Variants in FAT1 observed in about 807,000 individuals in gnomAD.
FAT1 encodes the protein protocadherin Fat 1.
In FAT1, 171 loss-of-function variants were observed where a neutral mutation model predicts 329.8. The ratio of observed to expected loss-of-function variants is 0.52; its 90% confidence interval spans 0.46 to 0.59. The LOEUF is 0.59. Among genes scored for constraint, FAT1 ranks in the 20% least tolerant of loss-of-function variants. The pLI is 0.00. For missense variants in FAT1, 5,672 were observed against 5,774.4 expected, an observed-to-expected ratio of 0.98 and a Z score of 0.57; for synonymous variants, 2,233 against 2,228.6, an observed-to-expected ratio of 1.00 and a Z score of -0.06.
At chr4:186,616,282 G>A (rs563009547) in intron 11 of FAT1, among the ~76,000 whole-genome samples, 10 of 152,102 alleles carry the variant, frequency 6.6e-5, no homozygotes, top group South Asian at 2.1e-4. Context: ...TGGAACGACC[G>A]CCACTGCCCA....
chr4:186,604,008 G>C lies in FAT1; in HGVS notation c.10549-31C>G, dbSNP rs1738968518. The C allele has an allele frequency of 2.6e-6, 4 of 1,521,590 alleles. No individual in the cohort carries two copies. The East Asian group carries it at 9.0e-5, about 34-fold the overall frequency. 94.3% of individuals were successfully genotyped at this position (1,521,590 alleles called of 1,614,324 possible). A position where few individuals can be genotyped will look rare whatever the true frequency, so the allele number is the denominator to read the frequency against. ...AGAAAAGAAAAATAAAATCACCTTTGTCTATGGCACTGTTTATAACTTCTT... is the reference window on the plus strand; with the variant it reads ...AGAAAAGAAAAATAAAATCACCTTTCTCTATGGCACTGTTTATAACTTCTT... On this transcript the variant is annotated intron_variant, in intron 18 of 26. Coordinates refer to ENST00000441802, the MANE Select transcript of FAT1 (RefSeq NM_005245.4).
intron 1 of FAT1, among the ~76,000 whole-genome samples, chr4:186,716,777 A>C (rs1260602656): frequency 6.6e-6 from 1 of 152,020 alleles, no homozygotes; most frequent in African/African-American, 2.4e-5. Flanking sequence ...ATTGTAAACG[A>C]GTTTTTTTGT....
In FAT1 at chr4:186,614,173, C is replaced by T. The variant is rs1408541344; in HGVS notation, c.9229+18G>A. ...TGTTGGAATATACAATTTATTTTGTCCCAAACTCCATCATTACCTGTGTCT... is the reference window on the plus strand; with the variant it reads ...TGTTGGAATATACAATTTATTTTGTTCCAAACTCCATCATTACCTGTGTCT... On this transcript the variant is annotated intron_variant, in intron 12 of 26. Transcript: ENST00000441802. The T allele has an allele frequency of 1.0e-5, 16 of 1,581,514 alleles. No individual in the cohort carries two copies. The East Asian group carries it at 3.7e-4, about 37-fold the overall frequency.
chr4:186,705,426 T>C (rs1232803708), intron 2 of FAT1, among the ~76,000 whole-genome samples: 1 of 152,190 alleles, frequency 6.6e-6, no homozygotes, highest in African/African-American at 2.4e-5. Context: ...CACAGATTTA[T>C]AAAGTACACA....
chr4:186,675,796 C>T (rs958621926), intron 2 of FAT1, among the ~76,000 whole-genome samples: 1 of 149,216 alleles, frequency 6.7e-6, no homozygotes, highest in Non-Finnish European at 1.5e-5. Flanking sequence ...CACACACACA[C>T]ACACACACAC....
intron 3 of FAT1, among the ~76,000 whole-genome samples, chr4:186,642,664 C>T (rs77295572): frequency 9.9e-5 from 15 of 152,194 alleles, no homozygotes; most frequent in East Asian, 1.9e-4. Flanking sequence ...CTACGTGCTG[C>T]GATGGGTGGC....
rs1401666091 is a variant in FAT1 at position 186,709,800 on chromosome 4, G to A, written c.28C>T (p.Leu10Phe). The change falls in exon 2 of 27, where the codon CTT becomes TTT. Residue 10 changes from leucine (L) to phenylalanine (F), a missense_variant. By Grantham distance (22) the Leu-to-Phe change is conservative. Around this residue, in one of 2 missense-constraint regions of FAT1, gnomAD observed 3,966 missense variants for 3,915.2 expected, o/e 1.01. Transcript: ENST00000441802. MGRHLALLL[L>F]LLLLFQHFGD... ...AAATGTTGGAAGAGAAGGAGCAGAA[G>A]CAGGAGCAAAGCCAAATGTCTCCCC... is the stretch of plus-strand genomic sequence containing the variant. 4 of 1,607,526 alleles carry A rather than the reference G, an allele frequency of 2.5e-6. No homozygotes were observed. Among genetic ancestry groups the A allele is most frequent in the Admixed American group, 1.7e-5 (1 of 59,210 alleles).
At chr4:186,646,422 T>C (rs1013182353) in intron 3 of FAT1, among the ~76,000 whole-genome samples, 18 of 152,344 alleles carry the variant, frequency 1.2e-4, no homozygotes, top group African/African-American at 4.1e-4. Context: ...ATTTCTGTGA[T>C]GATTTGTGTG....
intron 2 of FAT1, among the ~76,000 whole-genome samples, chr4:186,671,039 C>G (rs1288585018): frequency 2.0e-5 from 3 of 152,114 alleles, no homozygotes; most frequent in African/African-American, 4.8e-5. Context: ...CTACTTTCTG[C>G]TCCATTTTTC....
rs745964475 is a variant in FAT1, at chr4:186,603,425, G to C, written c.11101C>G (p.Pro3701Ala). 6.2e-7 allele frequency: 1 copy of C among 1,613,964 alleles called. No individual in the cohort carries two copies. The highest frequency in any genetic ancestry group is 8.5e-7 in the Non-Finnish European group (1 of 1,179,888). The change falls in exon 19 of 27, where the codon CCA becomes GCA. Residue 3701 changes from proline to alanine, a missense_variant. Transcript: ENST00000441802. ...TTTGTTGAGATCTGAGCACTACCTG[G>C]TTTCTCTACAAAAAGTAAGACGTCC... ...HLDVLLFVEK[P>A]GSAQISTKQL...
chr4:186,631,092 C>T (rs1433675286), intron 7 of FAT1, among the ~76,000 whole-genome samples: 25 of 152,166 alleles, frequency 1.6e-4, no homozygotes, highest in Admixed American at 1.5e-3. Context: ...GACTCACCAA[C>T]GGCTCACCTA....
rs528979314 is a variant in FAT1 at position 186,660,034 on chromosome 4, C to T, written c.3580+3265G>A. Among the ~76,000 whole-genome samples the T allele has an allele frequency of 2.6e-5, 4 of 152,332 alleles. No individual in the cohort carries two copies. In the South Asian group the frequency reaches 8.3e-4, roughly 32 times the overall value. ...GAAGGACCTGGAAGTCAGTTCGCCC[C>T]AAGATCCCAGAGGGAAGGCCTCACT... is the stretch of plus-strand genomic sequence containing the variant. On this transcript the variant is annotated intron_variant, in intron 3 of 26. Coordinates refer to ENST00000441802, the MANE Select transcript of FAT1 (RefSeq NM_005245.4).
intron 2 of FAT1, among the ~76,000 whole-genome samples, chr4:186,680,533 G>A (rs182407844): frequency 6.6e-6 from 1 of 152,238 alleles, no homozygotes; most frequent in Non-Finnish European, 1.5e-5. Flanking sequence ...CTTTACAAAG[G>A]CACATGTGGT....
chr4:186,660,378 T>C (rs1742113318), intron 3 of FAT1, among the ~76,000 whole-genome samples: 1 of 152,212 alleles, frequency 6.6e-6, no homozygotes, highest in South Asian at 2.1e-4. Context: ...TACTATATTA[T>C]TTAATAATTC....
chr4:186,694,901 G>T (rs982202807), intron 2 of FAT1, among the ~76,000 whole-genome samples: 1 of 152,242 alleles, frequency 6.6e-6, no homozygotes, highest in African/African-American at 2.4e-5. Flanking sequence ...GGCAGAGGTT[G>T]CAGGGAGCCA....
In FAT1 at chr4:186,599,911, C is replaced by CGGATTGCAAACGCCTCCATTCTGGCAA; in HGVS notation, c.12063_12089dup (p.Cys4022_Pro4030dup). 9.9e-6 allele frequency: 16 copies of CGGATTGCAAACGCCTCCATTCTGGCAA among 1,610,174 alleles called. No individual in the cohort carries two copies. Among genetic ancestry groups the CGGATTGCAAACGCCTCCATTCTGGCAA allele is most frequent in the Non-Finnish European group, 1.4e-5 (16 of 1,177,336 alleles). On this transcript the variant is annotated inframe_insertion, in exon 22 of 27. Transcript: ENST00000441802. ...TACGGAGCCCACCTCCAGCAGGTGA[C>CGGATTGCAAACGCCTCCATTCTGGCAA]GGATTGCAAACGCCTCCATTCTGGC... is the stretch of plus-strand genomic sequence containing the variant.
chr4:186,700,166 C>G (rs763623644), intron 2 of FAT1, among the ~76,000 whole-genome samples: 14 of 152,168 alleles, frequency 9.2e-5, no homozygotes, highest in Non-Finnish European at 2.1e-4. Flanking sequence ...GAGGGAGGTA[C>G]AAATCACGTT....
At chr4:186,660,214 G>A (rs1214466732) in intron 3 of FAT1, among the ~76,000 whole-genome samples, 1 of 152,118 alleles carries the variant, frequency 6.6e-6, no homozygotes. Flanking sequence ...TTCACAATCA[G>A]GCCGCCATGA....
Position 186,588,895 on chromosome 4 carries a change from C to T in FAT1, c.13464G>A (p.Gln4488=), listed in dbSNP as rs139623858. 425 of 1,614,002 alleles carry T rather than the reference C, an allele frequency of 2.6e-4. 5 individuals carry two copies. In the East Asian group the frequency reaches 9.4e-3, roughly 36 times the overall value. ...SRNRQRFNLN[Q]YLPNFYPLDM... is the part of the protein sequence containing the mutation. ...CGAGGGGATAAAAATTGGGCAAATA[C>T]TGATTCAAGTTGAACCTCTGCCGGT... Residue 4488 remains glutamine (Q), a synonymous_variant, in exon 27 of 27, where the codon CAG becomes CAA. Coordinates refer to ENST00000441802, the MANE Select transcript of FAT1 (RefSeq NM_005245.4).
Sources: allele counts gnomAD v4.1 joint callset (sites outside exome capture counted in the v4.1 genomes callset), GRCh38; gene constraint gnomAD v4.1.1; regional missense constraint gnomAD v4.1.1; transcripts MANE v1.5; gene names NCBI Gene and HGNC (gene_info 2026-07-23, HGNC 2026-07-21).